The following CNTNAP2 variants were observed in gnomAD, a reference collection of about 807,000 sequenced individuals.
The protein encoded by CNTNAP2 is contactin associated protein 2.
Under a neutral mutation model 155.2 loss-of-function variants are expected in CNTNAP2, and 98 were observed. That is an observed-to-expected ratio of 0.63 (90% CI 0.54 to 0.75). The LOEUF is 0.75. Among genes scored for constraint, CNTNAP2 ranks in the 30% least tolerant of loss-of-function variants. The pLI is 0.00. For synonymous variants in CNTNAP2, 651 were observed against 631.2 expected, an observed-to-expected ratio of 1.03 and a Z score of -0.47; for missense variants, 1,727 against 1,688.1, an observed-to-expected ratio of 1.02 and a Z score of -0.40.
intron 12 of CNTNAP2, among the ~76,000 whole-genome samples, chr7:147,613,452 T>C (rs947617138): frequency 8.5e-5 from 13 of 152,372 alleles, no homozygotes; most frequent in African/African-American, 2.9e-4. Flanking sequence ...ACATTCTTTA[T>C]GGCATGTCGA....
At chr7:147,530,605 CA>C (rs1799414734) in intron 11 of CNTNAP2, among the ~76,000 whole-genome samples, 1 of 152,144 alleles carries the variant, frequency 6.6e-6, no homozygotes, top group African/African-American at 2.4e-5. Context: ...GAAAGACTGG[CA>C]CCCTGGATTC....
chr7:146,711,751 TC>T (rs1801079009), intron 1 of CNTNAP2, among the ~76,000 whole-genome samples: 1 of 144,618 alleles, frequency 6.9e-6, no homozygotes, highest in Non-Finnish European at 1.5e-5. Context: ...AGTATACACA[TC>T]TTATGTATAC....
intron 3 of CNTNAP2, among the ~76,000 whole-genome samples, chr7:146,998,950 A>G (rs941095387): frequency 6.6e-6 from 1 of 151,856 alleles, no homozygotes; most frequent in Admixed American, 6.6e-5. Flanking sequence ...TTTTAAATTC[A>G]TTCAGCTATT....
At chr7:147,536,357 C>T (rs1799539229) in intron 11 of CNTNAP2, among the ~76,000 whole-genome samples, 1 of 152,182 alleles carries the variant, frequency 6.6e-6, no homozygotes, top group South Asian at 2.1e-4. Flanking sequence ...TTGAAACTTA[C>T]TTTTTAGTTG....
intron 21 of CNTNAP2, among the ~76,000 whole-genome samples, chr7:148,324,566 G>A (rs531655428): frequency 1.3e-5 from 2 of 152,276 alleles, no homozygotes; most frequent in African/African-American, 4.8e-5. Context: ...AGGAGGCCAA[G>A]GCGGTTGGGT....
At chr7:147,960,179 A>G (rs762310137) in intron 14 of CNTNAP2, among the ~76,000 whole-genome samples, 3 of 152,136 alleles carry the variant, frequency 2.0e-5, no homozygotes, top group Non-Finnish European at 2.9e-5. Context: ...TCCCAAGGAC[A>G]CTATAACATA....
intron 10 of CNTNAP2, among the ~76,000 whole-genome samples, chr7:147,485,487 C>T (rs775128329): frequency 4.6e-5 from 7 of 152,092 alleles, no homozygotes; most frequent in Admixed American, 2.6e-4. Context: ...GTTATCATGA[C>T]GTTATTTCAA....
intron 5 of CNTNAP2, among the ~76,000 whole-genome samples, chr7:147,114,662 G>C (rs552653855): frequency 1.6e-4 from 24 of 152,174 alleles, no homozygotes; most frequent in African/African-American, 5.5e-4. Flanking sequence ...CCATTTGCTT[G>C]GTACATTTTT....
intron 3 of CNTNAP2, among the ~76,000 whole-genome samples, chr7:146,993,788 C>A (rs1296167770): frequency 6.6e-6 from 1 of 152,022 alleles, no homozygotes; most frequent in Non-Finnish European, 1.5e-5. Context: ...AATAGTCGTG[C>A]TACATATGAC....
chr7:148,408,311 AAATCACATGTGTTGAAAG>A (rs1456554652), intron 22 of CNTNAP2, among the ~76,000 whole-genome samples: 1 of 152,158 alleles, frequency 6.6e-6, no homozygotes, highest in Non-Finnish European at 1.5e-5. Context: ...AGAAAGGATT[AAATCACATGTGTTGAAAG>A]AATCTGGAAT....
intron 3 of CNTNAP2, among the ~76,000 whole-genome samples, chr7:146,898,508 TA>T (rs202048889): frequency 0.039 from 5,712 of 145,040 alleles, 272 homozygotes; most frequent in African/African-American, 0.12. Context: ...ATAATAATAA[TA>T]AAAAAAAAAA....
chr7:147,641,134 G>T (rs1449112897), intron 13 of CNTNAP2, among the ~76,000 whole-genome samples: 2 of 151,894 alleles, frequency 1.3e-5, no homozygotes, highest in African/African-American at 4.8e-5. Context: ...CTCTAAGAGC[G>T]GGGGCTTTCC....
chr7:146,970,872 T>C (rs1797776821), intron 3 of CNTNAP2, among the ~76,000 whole-genome samples: 1 of 152,100 alleles, frequency 6.6e-6, no homozygotes, highest in Non-Finnish European at 1.5e-5. Flanking sequence ...CATGGAATAC[T>C]ATGCAGCCAT....
intron 14 of CNTNAP2, among the ~76,000 whole-genome samples, chr7:147,920,658 GCA>G (rs1800259316): frequency 6.6e-6 from 1 of 152,114 alleles, no homozygotes; most frequent in African/African-American, 2.4e-5. Flanking sequence ...TATATATCAG[GCA>G]CAGTCAGACT....
At chr7:147,735,623 G>C (rs1796829092) in intron 13 of CNTNAP2, among the ~76,000 whole-genome samples, 1 of 152,182 alleles carries the variant, frequency 6.6e-6, no homozygotes, top group Admixed American at 6.5e-5. Context: ...ACAGTGGCGT[G>C]TTGAAGTCTC....
At chr7:147,806,673 AG>A (rs1175228257) in intron 13 of CNTNAP2, among the ~76,000 whole-genome samples, 2 of 152,216 alleles carry the variant, frequency 1.3e-5, no homozygotes, top group African/African-American at 4.8e-5. Context: ...AACCATAAAA[AG>A]AATGAAATTC....
intron 1 of CNTNAP2, among the ~76,000 whole-genome samples, chr7:146,429,577 G>A (rs1235978895): frequency 6.6e-6 from 1 of 152,072 alleles, no homozygotes; most frequent in Admixed American, 6.6e-5. Context: ...CATTGATTTT[G>A]TATCCTGAGA....
At chr7:147,245,782 A>AAT (rs2116647856) in intron 8 of CNTNAP2, among the ~76,000 whole-genome samples, 1 of 150,336 alleles carries the variant, frequency 6.7e-6, no homozygotes, top group Admixed American at 6.6e-5. Flanking sequence ...AAAAAAAAAA[A>AAT]AAATTTCATT....
chr7:147,967,015 G>C (rs1370058870), intron 14 of CNTNAP2, among the ~76,000 whole-genome samples: 1 of 151,760 alleles, frequency 6.6e-6, no homozygotes, highest in African/African-American at 2.4e-5. Flanking sequence ...CCATTATAAG[G>C]GAAGATTTTC....
Sources: gnomAD v4.1 joint callset for allele counts (sites outside exome capture counted in the v4.1 genomes callset) on GRCh38, gnomAD v4.1.1 for gene constraint, MANE v1.5 for transcripts, NCBI Gene and HGNC (gene_info 2026-07-23, HGNC 2026-07-21) for gene names.